CHST15: variants seen among roughly 807,000 people sequenced by gnomAD.
CHST15 encodes the protein carbohydrate sulfotransferase 15, also known as B cell RAG associated protein (GALNAC4S-6ST).
In CHST15, 30 loss-of-function variants were observed where a neutral mutation model predicts 53.6. That is an observed-to-expected ratio of 0.56 (90% CI 0.42 to 0.76). The LOEUF (loss-of-function observed/expected upper bound fraction) is 0.76. CHST15 is among the 30% of genes least tolerant of loss of function. The pLI is 0.00. For missense variants in CHST15, 627 were observed against 740.5 expected (o/e 0.85, Z 1.78); for synonymous variants, 296 against 289.8 (o/e 1.02, Z -0.22).
chr10:124,041,164 A>AT (rs1294938786), intron 4 of CHST15, among the ~76,000 whole-genome samples: 1 of 152,252 alleles, frequency 6.6e-6, no homozygotes, highest in Non-Finnish European at 1.5e-5. Context: ...ACTTAGGCAC[A>AT]TAAGTCTGTC....
At position 124,007,914 on chromosome 10, in the gene CHST15, C is replaced by T. The variant is rs532587405; in HGVS notation, c.*2235G>A. 428 of 1,231,984 alleles carry T rather than the reference C, an allele frequency of 3.5e-4. 2 individuals carry two copies. In the African/African-American group the frequency reaches 5.9e-3, roughly 17 times the overall value. The allele number at this position is 1,231,984 out of a possible 1,614,324, so 76.3% of individuals were successfully genotyped here. On this transcript the variant is annotated 3_prime_UTR_variant, in exon 8 of 8. Coordinates refer to ENST00000435907, the MANE Select transcript of CHST15 (RefSeq NM_001270764.2). Reference sequence around the variant, plus strand: ...CAGGCTCGAGAACCACCGCCCAGAACGGAACCTATTCTGTCAGCAAGAGCC... The same window carrying T: ...CAGGCTCGAGAACCACCGCCCAGAATGGAACCTATTCTGTCAGCAAGAGCC...
chr10:124,018,112 T>C (rs749497061), intron 6 of CHST15, among the ~76,000 whole-genome samples: 122 of 152,238 alleles, frequency 8.0e-4, no homozygotes, highest in Non-Finnish European at 1.4e-3. Context: ...CTATCAAAGA[T>C]GGGACAACAC....
intron 4 of CHST15, among the ~76,000 whole-genome samples, chr10:124,041,011 A>G (rs940511409): frequency 2.0e-5 from 3 of 152,234 alleles, no homozygotes; most frequent in Non-Finnish European, 2.9e-5. Context: ...AGGAGTCACA[A>G]TGAAATGTAA....
rs1947908291 is a variant in CHST15, at chr10:124,044,909, A to G, written c.557T>C (p.Val186Ala). 2 of 1,442,838 alleles carry G rather than the reference A, an allele frequency of 1.4e-6. No individual in the cohort carries two copies. Among genetic ancestry groups the G allele is most frequent in the Non-Finnish European group, 1.8e-6 (2 of 1,094,054 alleles). The allele number at this position is 1,442,838 out of a possible 1,614,324, so 89.4% of individuals were successfully genotyped here. A position where few individuals can be genotyped will look rare whatever the true frequency, so the allele number is the denominator to read the frequency against. ...LKKQELHMFS[V>A]IPNKFLPNSK... is the part of the protein sequence containing the mutation. Reference sequence around the variant, plus strand: ...GTTTGGAAGGAATTTGTTGGGGATGACTGAAAACATCTGCAAGGAAACAGA... The same window carrying G: ...GTTTGGAAGGAATTTGTTGGGGATGGCTGAAAACATCTGCAAGGAAACAGA... The change falls in exon 3 of 8, where the codon GTC (valine) becomes GCC (alanine). Residue 186 changes from valine to alanine, a missense_variant. By Grantham distance (64) the Val-to-Ala change is moderately conservative. Transcript: ENST00000435907.
chr10:124,085,502 G>A (rs1489874091), intron 1 of CHST15, among the ~76,000 whole-genome samples: 1 of 152,212 alleles, frequency 6.6e-6, no homozygotes, highest in African/African-American at 2.4e-5. Flanking sequence ...ATCAAACTCA[G>A]TGTTCACATA....
At chr10:124,020,319 A>G (rs1946728499) in intron 6 of CHST15, 3 of 985,296 alleles carry the variant, frequency 3.0e-6, no homozygotes, top group South Asian at 9.4e-5. Context: ...ACCCACACCA[A>G]TGGCTGGTTC....
intron 1 of CHST15, among the ~76,000 whole-genome samples, chr10:124,091,853 G>C (rs1194154612): frequency 6.6e-6 from 1 of 152,218 alleles, no homozygotes; most frequent in Non-Finnish European, 1.5e-5. Flanking sequence ...GCCAGCAGCC[G>C]GCAACCCAGC....
rs751679622 is a variant in CHST15, at chr10:124,046,069, G to A, written c.144C>T (p.Asp48=). Reference sequence around the variant, plus strand: ...CAGCAAGCAAGTTCATCTGCTTACTGTCCACACGAAACAGAATTTTGTTTT... The same window carrying A: ...CAGCAAGCAAGTTCATCTGCTTACTATCCACACGAAACAGAATTTTGTTTT... ...KGENKILFRV[D]SKQMNLLAVL... is the part of the protein sequence containing the mutation. The change falls in exon 2 of 8, where the codon GAC becomes GAT. Residue 48 remains aspartate, a synonymous_variant. Transcript: ENST00000435907. 1.1e-5 allele frequency: 17 copies of A among 1,614,104 alleles called. No homozygotes were observed. The South Asian group carries it at 1.9e-4, about 18-fold the overall frequency.
chr10:124,085,459 G>C (rs1423403562), intron 1 of CHST15, among the ~76,000 whole-genome samples: 3 of 152,220 alleles, frequency 2.0e-5, no homozygotes, highest in Non-Finnish European at 2.9e-5. Context: ...TTGGGAAATT[G>C]AGTGACAAGT....
chr10:124,054,446 G>A (rs1018437793), intron 1 of CHST15, among the ~76,000 whole-genome samples: 1 of 152,194 alleles, frequency 6.6e-6, no homozygotes, highest in Admixed American at 6.5e-5. Context: ...TATTGTTTTA[G>A]TCCATAAGCC....
At chr10:124,026,671 G>A (rs59793831) in intron 5 of CHST15, among the ~76,000 whole-genome samples, 2,481 of 152,256 alleles carry the variant, frequency 0.016, 73 homozygotes, top group African/African-American at 0.055. Context: ...ACAGGGGCAC[G>A]GCATGAGGAA....
intron 1 of CHST15, among the ~76,000 whole-genome samples, chr10:124,085,638 C>T (rs1426680426): frequency 6.6e-6 from 1 of 152,186 alleles, no homozygotes. Context: ...CCCCAGACAC[C>T]CTCCTCCTGA....
chr10:124,062,162 T>C (rs921559527), intron 1 of CHST15, among the ~76,000 whole-genome samples: 7 of 152,098 alleles, frequency 4.6e-5, no homozygotes, highest in African/African-American at 1.7e-4. Context: ...GGCATGCATC[T>C]TTACACACAC....
chr10:124,049,000 C>T (rs1192269760), intron 1 of CHST15, among the ~76,000 whole-genome samples: 1 of 152,190 alleles, frequency 6.6e-6, no homozygotes, highest in Admixed American at 6.5e-5. Context: ...CACCAACCAG[C>T]CCGGCCTCTG....
intron 1 of CHST15, among the ~76,000 whole-genome samples, chr10:124,068,427 G>A (rs755670736): frequency 2.0e-5 from 3 of 152,150 alleles, no homozygotes; most frequent in Non-Finnish European, 4.4e-5. Context: ...AGGAATCGTT[G>A]GCAGTGCTCC....
At position 124,012,423 on chromosome 10, in the gene CHST15, CAA is replaced by C; in HGVS notation, c.1403_1404del (p.Phe468Ter). 6.2e-7 allele frequency: 1 copy of C among 1,614,118 alleles called. No individual in the cohort carries two copies. Among genetic ancestry groups the C allele is most frequent in the Non-Finnish European group, 8.5e-7 (1 of 1,180,006 alleles). On this transcript the variant is annotated frameshift_variant, in exon 7 of 8. Coordinates refer to ENST00000435907, the MANE Select transcript of CHST15 (RefSeq NM_001270764.2). LOFTEE classifies it high-confidence loss of function. ...CGAAGAATGAGAAACTGTTGCTTGT[CAA>C]AAACGCTGAGCCAGTCCAGAAGGTA... is the stretch of plus-strand genomic sequence containing the variant. ...AVYLLDWLSVFDKQQFLILRL... is the reference protein window; with the variant it reads ...AVYLLDWLSVXDKQQFLILRL...
At chr10:124,080,447 T>G (rs1044738276) in intron 1 of CHST15, among the ~76,000 whole-genome samples, 5 of 152,232 alleles carry the variant, frequency 3.3e-5, no homozygotes, top group African/African-American at 1.2e-4. Flanking sequence ...TGCCTGTCTA[T>G]TCTCTGATAT....
intron 5 of CHST15, among the ~76,000 whole-genome samples, chr10:124,034,919 AT>A (rs1947394180): frequency 8.1e-6 from 1 of 124,214 alleles, no homozygotes; most frequent in Non-Finnish European, 1.7e-5. Flanking sequence ...CCCTGGCTTC[AT>A]CCCCTAACAG....
rs1042234994 is a variant in CHST15 at position 124,046,348 on chromosome 10, C to G, written c.-136G>C. On this transcript the variant is annotated 5_prime_UTR_variant, in exon 2 of 8. Transcript: ENST00000435907. Reference sequence around the variant, plus strand: ...AGAAGATGGATGGAAAGCACAAATACAAAAATAAGCAGACACCACAGCACT... The same window carrying G: ...AGAAGATGGATGGAAAGCACAAATAGAAAAATAAGCAGACACCACAGCACT... The G allele has an allele frequency of 1.3e-6, 1 of 769,490 alleles. No individual in the cohort carries two copies. The highest frequency in any genetic ancestry group is 2.0e-6 in the Non-Finnish European group (1 of 492,322). The allele number at this position is 769,490 out of a possible 1,614,324, so 47.7% of individuals were successfully genotyped here. A position where few individuals can be genotyped will look rare whatever the true frequency, so the allele number is the denominator to read the frequency against.
Sources: allele counts gnomAD v4.1 joint callset (sites outside exome capture counted in the v4.1 genomes callset), GRCh38; gene constraint gnomAD v4.1.1; transcripts MANE v1.5; gene names NCBI Gene and HGNC (gene_info 2026-07-23, HGNC 2026-07-21).